Variants in SEMA3C observed in about 807,000 individuals in gnomAD.
SEMA3C encodes the protein semaphorin-3C.
SEMA3C carries 47 observed loss-of-function variants against 89.4 expected under a neutral mutation model. The ratio of observed to expected loss-of-function variants is 0.53; its 90% CI spans 0.42 to 0.67. The LOEUF is 0.67. SEMA3C is among the 30% of genes least tolerant of loss of function. SEMA3C has a pLI of 0.00. For missense variants in SEMA3C, 839 were observed against 929.1 expected, an observed-to-expected ratio of 0.90 and a Z score of 1.26; for synonymous variants, 310 against 320.2, an observed-to-expected ratio of 0.97 and a Z score of 0.34.
At chr7:80,897,692 G>A (rs563727738) in intron 2 of SEMA3C, among the ~76,000 whole-genome samples, 3 of 152,276 alleles carry the variant, frequency 2.0e-5, no homozygotes, top group African/African-American at 7.2e-5. Context: ...TGACTGCAAG[G>A]TTTGATACTG....
At chr7:80,790,445 C>T (rs2115591133) in intron 11 of SEMA3C, among the ~76,000 whole-genome samples, 1 of 152,246 alleles carries the variant, frequency 6.6e-6, no homozygotes, top group South Asian at 2.1e-4. Flanking sequence ...ATCAAAGATC[C>T]CATTCATTAT....
At chr7:80,769,660 C>T (rs1267610765) in intron 12 of SEMA3C, among the ~76,000 whole-genome samples, 2 of 152,184 alleles carry the variant, frequency 1.3e-5, no homozygotes, top group East Asian at 1.9e-4. Context: ...GAGTTAGAGA[C>T]CAGCCTGGCC....
intron 16 of SEMA3C, among the ~76,000 whole-genome samples, chr7:80,749,352 T>C (rs1182482962): frequency 1.3e-5 from 2 of 152,276 alleles, no homozygotes; most frequent in African/African-American, 2.4e-5. Flanking sequence ...CCTGGCCACA[T>C]TTTCTCAGCT....
chr7:80,788,264 TACA>T (rs1321909840), intron 12 of SEMA3C, among the ~76,000 whole-genome samples: 10 of 152,218 alleles, frequency 6.6e-5, no homozygotes, highest in Admixed American at 3.9e-4. Context: ...TTTCTAAGAT[TACA>T]ACAAGACGTT....
chr7:80,847,968 C>T (rs1790428462), intron 2 of SEMA3C, among the ~76,000 whole-genome samples: 1 of 152,210 alleles, frequency 6.6e-6, no homozygotes, highest in African/African-American at 2.4e-5. Flanking sequence ...AAAACTACCT[C>T]TAACTCCTAC....
intron 11 of SEMA3C, chr7:80,793,508 A>G (rs764919446): frequency 9.0e-6 from 4 of 444,100 alleles, no homozygotes; most frequent in African/African-American, 6.1e-5. Context: ...TAAGAAAGAT[A>G]GACATATTCA....
intron 2 of SEMA3C, among the ~76,000 whole-genome samples, chr7:80,863,301 C>T (rs1790817335): frequency 6.7e-6 from 1 of 149,222 alleles, no homozygotes; most frequent in South Asian, 2.1e-4. Flanking sequence ...CAATGGAATA[C>T]CACCTTACTC....
At chr7:80,844,743 T>C (rs1790349031) in intron 2 of SEMA3C, among the ~76,000 whole-genome samples, 2 of 152,120 alleles carry the variant, frequency 1.3e-5, no homozygotes, top group Non-Finnish European at 2.9e-5. Flanking sequence ...AAATGATGTG[T>C]TTCTGGCTCT....
chr7:80,793,384 G>A (rs1464966830), intron 11 of SEMA3C: 16 of 359,718 alleles, frequency 4.4e-5, no homozygotes, highest in South Asian at 6.6e-5. Context: ...ATACTTATAT[G>A]TTAATATACG....
chr7:80,820,355 T>C (rs1021624032), intron 4 of SEMA3C, among the ~76,000 whole-genome samples: 2 of 152,008 alleles, frequency 1.3e-5, no homozygotes, highest in African/African-American at 2.4e-5. Context: ...CCACCATGCC[T>C]GGCCTCTCCT....
intron 11 of SEMA3C, among the ~76,000 whole-genome samples, chr7:80,795,670 T>C (rs551146003): frequency 6.6e-5 from 10 of 152,372 alleles, no homozygotes; most frequent in East Asian, 1.9e-4. Context: ...TGTAGAACAA[T>C]TGCTGCCTGA....
At chr7:80,771,167 G>A (rs1452903007) in intron 12 of SEMA3C, among the ~76,000 whole-genome samples, 1 of 152,176 alleles carries the variant, frequency 6.6e-6, no homozygotes, top group Non-Finnish European at 1.5e-5. Flanking sequence ...CATCAATAAC[G>A]TTCTCAGTAA....
At chr7:80,922,255 T>C (rs73376617), upstream of SEMA3C, 41,875 of 1,287,730 alleles carry the variant, frequency 0.033, 854 homozygotes, top group African/African-American at 0.079. Flanking sequence ...GTTTCAATAC[T>C]TCCTCTTACC....
At chr7:80,922,355 A>C, upstream of SEMA3C, 1 of 1,201,034 alleles carries the variant, frequency 8.3e-7, no homozygotes, top group Non-Finnish European at 1.1e-6. Context: ...AGTTTCCTGA[A>C]CTGTATCTTT....
chr7:80,880,634 C>A (rs1791312002), intron 2 of SEMA3C, among the ~76,000 whole-genome samples: 1 of 152,106 alleles, frequency 6.6e-6, no homozygotes, highest in African/African-American at 2.4e-5. Flanking sequence ...TACCCAAAAG[C>A]AAATCACAGG....
chr7:80,818,476 T>C, intron 4 of SEMA3C, 58 bp from the exon 5 acceptor site: 1 of 1,561,308 alleles, frequency 6.4e-7, no homozygotes. Context: ...GTTATTTCAG[T>C]TAGCTATGTT....
chr7:80,750,143 T>C (rs1281189877), intron 16 of SEMA3C, among the ~76,000 whole-genome samples: 1 of 151,986 alleles, frequency 6.6e-6, no homozygotes, highest in Non-Finnish European at 1.5e-5. Context: ...TGTTAATTTT[T>C]GAAACAGCAC....
At position 80,745,184 on chromosome 7, in the gene SEMA3C, T is replaced by C. The variant is rs770474002; in HGVS notation, c.1966A>G (p.Lys656Glu). 3.1e-6 allele frequency: 5 copies of C among 1,614,054 alleles called. No individual in the cohort carries two copies. The highest frequency in any genetic ancestry group is 4.2e-6 in the Non-Finnish European group (5 of 1,179,990). The stretch of plus-strand genomic sequence containing the variant: ...GAATCTAAAACTTTGAAGTTGATCT[T>C]GGCTATGGTCTGCTTGAAACTATTT... ...TENSFKQTIAKINFKVLDSEM... is the reference protein window; with the variant it reads ...TENSFKQTIAEINFKVLDSEM... The change falls in exon 18 of 18, where the codon AAG (lysine) becomes GAG (glutamate). Residue 656 changes from lysine (K) to glutamate (E), a missense_variant. By Grantham distance (56) the Lys-to-Glu change is moderately conservative. Coordinates refer to ENST00000265361, the MANE Select transcript of SEMA3C (RefSeq NM_006379.5).
At chr7:80,913,705 G>T (rs1792205503) in intron 2 of SEMA3C, among the ~76,000 whole-genome samples, 1 of 152,192 alleles carries the variant, frequency 6.6e-6, no homozygotes, top group African/African-American at 2.4e-5. Flanking sequence ...GATTTAAGTA[G>T]CACAAATGTA....
Sources: allele counts gnomAD v4.1 joint callset (sites outside exome capture counted in the v4.1 genomes callset), GRCh38; gene constraint gnomAD v4.1.1; transcripts MANE v1.5; gene names NCBI Gene and HGNC (gene_info 2026-07-23, HGNC 2026-07-21).